Variants in CAMKMT observed in about 807,000 individuals in gnomAD.
The protein encoded by CAMKMT is calmodulin-lysine N-methyltransferase, also known as CaM KMT.
CAMKMT carries 53 observed loss-of-function variants against 48.0 expected under a neutral mutation model. The observed-to-expected ratio is 1.10, with a 90% CI of 0.89 to 1.39. CAMKMT has a LOEUF of 1.39. Among genes scored for constraint, CAMKMT ranks in the 40% most tolerant of loss-of-function variants. The pLI is 0.00. For missense variants in CAMKMT, 428 were observed against 402.7 expected, an observed-to-expected ratio of 1.06 and a Z score of -0.54; for synonymous variants, 165 against 152.3, an observed-to-expected ratio of 1.08 and a Z score of -0.61.
rs1056724701 is a variant in CAMKMT, at chr2:44,367,064, G to A, written c.138+4919G>A. ...AAAAACGGGAAACACTATAGCTTCCGCATGTAAAGGATAAGGTTTTCTGGT... is the reference window on the plus strand; with the variant it reads ...AAAAACGGGAAACACTATAGCTTCCACATGTAAAGGATAAGGTTTTCTGGT... On this transcript the variant is annotated intron_variant, in intron 1 of 10. Transcript: ENST00000378494. Among the ~76,000 whole-genome samples the A allele has an allele frequency of 2.0e-5, 3 of 152,104 alleles. 1 individual carries two copies. The highest frequency in any genetic ancestry group is 7.2e-5 in the African/African-American group (3 of 41,396).
intron 3 of CAMKMT, among the ~76,000 whole-genome samples, chr2:44,578,340 A>G (rs749107974): frequency 1.2e-4 from 19 of 152,244 alleles, no homozygotes; most frequent in Non-Finnish European, 1.9e-4. Context: ...TATTAATTCG[A>G]TGTATTCATA....
At chr2:44,634,902 A>G (rs1401654288) in intron 3 of CAMKMT, among the ~76,000 whole-genome samples, 1 of 151,816 alleles carries the variant, frequency 6.6e-6, no homozygotes, top group Non-Finnish European at 1.5e-5. Flanking sequence ...TTAATTAATC[A>G]TTCATTTAAT....
intron 3 of CAMKMT, among the ~76,000 whole-genome samples, chr2:44,691,967 C>G (rs1676679261): frequency 1.3e-5 from 2 of 152,144 alleles, no homozygotes; most frequent in African/African-American, 2.4e-5. Flanking sequence ...GAGGCCTGCA[C>G]TTAATCATAT....
At chr2:44,407,383 G>A (rs193171744) in intron 3 of CAMKMT, among the ~76,000 whole-genome samples, 15 of 152,244 alleles carry the variant, frequency 9.9e-5, no homozygotes, top group African/African-American at 3.6e-4. Flanking sequence ...AGTCTCAGGG[G>A]TTAGACGTTT....
chr2:44,516,899 G>A (rs1418876963), intron 3 of CAMKMT, among the ~76,000 whole-genome samples: 3 of 151,840 alleles, frequency 2.0e-5, no homozygotes, highest in African/African-American at 4.8e-5. Flanking sequence ...GTGCCACCAC[G>A]CCCAGCTAAT....
rs889186146 is a variant in CAMKMT, at chr2:44,604,182, A to G, written c.377-100101A>G. Among the ~76,000 whole-genome samples the G allele has an allele frequency of 3.9e-5, 6 of 152,316 alleles. No homozygotes were observed. In the East Asian group the frequency reaches 1.2e-3, roughly 29 times the overall value. On this transcript the variant is annotated intron_variant, in intron 3 of 10. Coordinates refer to ENST00000378494, the MANE Select transcript of CAMKMT (RefSeq NM_024766.5). ...CCCTTGAATTAGAGGTACAATTTAGAATTAGATCAAGGAAAGGAATACAGA... is the reference window on the plus strand; with the variant it reads ...CCCTTGAATTAGAGGTACAATTTAGGATTAGATCAAGGAAAGGAATACAGA...
intron 6 of CAMKMT, among the ~76,000 whole-genome samples, chr2:44,710,117 A>T (rs1274998909): frequency 6.6e-6 from 1 of 151,958 alleles, no homozygotes; most frequent in Non-Finnish European, 1.5e-5. Context: ...TAAAAAAAAA[A>T]ACAGCATTTC....
At chr2:44,494,525 A>G (rs1393064567) in intron 3 of CAMKMT, among the ~76,000 whole-genome samples, 1 of 152,216 alleles carries the variant, frequency 6.6e-6, no homozygotes, top group Non-Finnish European at 1.5e-5. Context: ...GTGAAATGTT[A>G]ATAACATAAA....
intron 3 of CAMKMT, among the ~76,000 whole-genome samples, chr2:44,539,707 G>T (rs1294778865): frequency 1.3e-5 from 2 of 152,074 alleles, no homozygotes; most frequent in East Asian, 3.9e-4. Context: ...TTTTGAGGAG[G>T]CCAGTTATTT....
intron 3 of CAMKMT, among the ~76,000 whole-genome samples, chr2:44,595,205 G>A (rs1052325889): frequency 2.0e-5 from 3 of 151,594 alleles, no homozygotes; most frequent in Admixed American, 1.3e-4. Context: ...CTGTTGGTGG[G>A]AGGGTAAATT....
At chr2:44,521,159 G>C (rs934757649) in intron 3 of CAMKMT, among the ~76,000 whole-genome samples, 3 of 152,140 alleles carry the variant, frequency 2.0e-5, no homozygotes, top group African/African-American at 4.8e-5. Context: ...AATATGGCTT[G>C]TGGTAAATGG....
intron 3 of CAMKMT, among the ~76,000 whole-genome samples, chr2:44,597,727 T>TTTTG (rs993285103): frequency 2.0e-5 from 3 of 152,234 alleles, no homozygotes; most frequent in East Asian, 1.9e-4. Flanking sequence ...CCTTATTATT[T>TTTTG]TTTGTTTGTT....
At chr2:44,602,074 C>G (rs1394728798) in intron 3 of CAMKMT, among the ~76,000 whole-genome samples, 1 of 151,912 alleles carries the variant, frequency 6.6e-6, no homozygotes, top group Admixed American at 6.6e-5. Context: ...GGTGCCATCT[C>G]AGTTCACTGC....
At chr2:44,421,294 A>G (rs1043242082) in intron 3 of CAMKMT, among the ~76,000 whole-genome samples, 14 of 152,138 alleles carry the variant, frequency 9.2e-5, no homozygotes, top group African/African-American at 3.1e-4. Flanking sequence ...TTTTTTGGCA[A>G]TGTGAAGAAA....
At chr2:44,435,019 G>A (rs955694287) in intron 3 of CAMKMT, among the ~76,000 whole-genome samples, 2 of 152,066 alleles carry the variant, frequency 1.3e-5, no homozygotes, top group African/African-American at 4.8e-5. Flanking sequence ...TCAAATATGA[G>A]CATCGTTAGG....
intron 3 of CAMKMT, among the ~76,000 whole-genome samples, chr2:44,560,096 A>T (rs1037484428): frequency 6.6e-6 from 1 of 152,148 alleles, no homozygotes; most frequent in Admixed American, 6.6e-5. Flanking sequence ...GTCGCTTTTC[A>T]AGTTGTCAGT....
chr2:44,772,218 C>A lies in CAMKMT; in HGVS notation c.*105C>A. On this transcript the variant is annotated 3_prime_UTR_variant, in exon 11 of 11. Coordinates refer to ENST00000378494, the MANE Select transcript of CAMKMT (RefSeq NM_024766.5). The stretch of plus-strand genomic sequence containing the variant: ...TATAATCGCCTGCCTGCGCCCTTTG[C>A]AGCATTTCACGTGTGGGCTATGGAC... 2 of 888,854 alleles carry A rather than the reference C, an allele frequency of 2.3e-6. No individual in the cohort carries two copies. The highest frequency in any genetic ancestry group is 1.8e-6 in the Non-Finnish European group (1 of 560,514). The allele number at this position is 888,854 out of a possible 1,614,324, so 55.1% of individuals were successfully genotyped here.
At chr2:44,538,645 G>A (rs1001518332) in intron 3 of CAMKMT, among the ~76,000 whole-genome samples, 5 of 152,056 alleles carry the variant, frequency 3.3e-5, no homozygotes, top group Admixed American at 3.3e-4. Context: ...GGGGGTGATA[G>A]ATAAAAGACT....
chr2:44,549,760 T>C (rs967433914), intron 3 of CAMKMT: 15 of 465,386 alleles, frequency 3.2e-5, no homozygotes, highest in Non-Finnish European at 4.9e-5. Context: ...ATGATGTCTG[T>C]AAACTCCACT....
Sources: allele counts gnomAD v4.1 joint callset (sites outside exome capture counted in the v4.1 genomes callset), GRCh38; gene constraint gnomAD v4.1.1; transcripts MANE v1.5; gene names NCBI Gene and HGNC (gene_info 2026-07-23, HGNC 2026-07-21).